The following MFHAS1 variants were observed in gnomAD, a reference collection of about 807,000 sequenced individuals.
The protein encoded by MFHAS1 is multifunctional ROCO family signaling regulator 1.
A neutral mutation model predicts 70.4 loss-of-function variants in MFHAS1; 50 were observed. The ratio of observed to expected loss-of-function variants is 0.71; its 90% confidence interval spans 0.57 to 0.90. MFHAS1 has a LOEUF of 0.90. Ranked by LOEUF, MFHAS1 falls within the 40% of genes least tolerant of loss-of-function variation. The pLI is 0.00. For missense variants in MFHAS1, 1,795 were observed against 1,347.6 expected (o/e 1.33, Z -5.20); for synonymous variants, 952 against 620.0 (o/e 1.54, Z -7.96).
At chr8:8,787,179 C>T in intron 2 of MFHAS1, among the ~76,000 whole-genome samples, 1 of 151,546 alleles carries the variant, frequency 6.6e-6, no homozygotes, top group Middle Eastern at 3.2e-3. Context: ...CTCCTGGGTT[C>T]ATGCCATTCT....
At chr8:8,859,047 G>A (rs556843249) in intron 1 of MFHAS1, among the ~76,000 whole-genome samples, 7 of 152,288 alleles carry the variant, frequency 4.6e-5, no homozygotes, top group Non-Finnish European at 8.8e-5. Context: ...TTTGAAAAAT[G>A]CTTGGTTAAA....
chr8:8,891,164 G>A lies in MFHAS1; in HGVS notation c.1895C>T (p.Pro632Leu), dbSNP rs1472948899. The change falls in exon 1 of 3, where the codon CCG becomes CTG. Residue 632 changes from proline (P) to leucine (L), a missense_variant. Physicochemically the swap from Pro to Leu is moderately conservative, Grantham distance 98 (BLOSUM62 -3). Coordinates refer to ENST00000276282, the MANE Select transcript of MFHAS1 (RefSeq NM_004225.3). This position sits in a 1 kb window ranked among gnomAD's most constrained non-coding sequence, Gnocchi z 5.4. ...GTCCCGAAGGCGTCGTAAGTGGCGC[G>A]GGTCCCTGCAGCTAACAGGCAACAC... ...SPVLPVSCRD[P>L]RHLRRLRDKL... 8 of 1,613,488 alleles carry A rather than the reference G, an allele frequency of 5.0e-6. No homozygotes were observed. In the East Asian group the frequency reaches 6.7e-5, roughly 13 times the overall value.
intron 1 of MFHAS1, among the ~76,000 whole-genome samples, chr8:8,802,628 A>T (rs867317711): frequency 4.6e-5 from 7 of 152,164 alleles, no homozygotes; most frequent in South Asian, 2.1e-4. Flanking sequence ...AATGAAGGGT[A>T]GGGTATGGAG....
At chr8:8,829,550 A>G (rs1315679225) in intron 1 of MFHAS1, among the ~76,000 whole-genome samples, 1 of 152,160 alleles carries the variant, frequency 6.6e-6, no homozygotes, top group Non-Finnish European at 1.5e-5. Context: ...GCAAGGTGGC[A>G]GGCACCTGTA....
intron 1 of MFHAS1, among the ~76,000 whole-genome samples, chr8:8,872,783 T>TA (rs66482383): frequency 0.13 from 19,887 of 149,536 alleles, 1,782 homozygotes; most frequent in South Asian, 0.25. Flanking sequence ...AAAATAAAAA[T>TA]AAAAAAAAAG....
chr8:8,886,538 A>G (rs1036510347), intron 1 of MFHAS1, among the ~76,000 whole-genome samples: 4 of 152,206 alleles, frequency 2.6e-5, no homozygotes, highest in Non-Finnish European at 5.9e-5. Context: ...GGTCAACTAC[A>G]GTAGGGCAGC....
At chr8:8,806,586 A>C (rs1411897280) in intron 1 of MFHAS1, among the ~76,000 whole-genome samples, 1 of 152,204 alleles carries the variant, frequency 6.6e-6, no homozygotes, top group African/African-American at 2.4e-5. Flanking sequence ...ATTAACCCTG[A>C]CACTATACAA....
At chr8:8,884,230 C>T (rs952879913) in intron 1 of MFHAS1, among the ~76,000 whole-genome samples, 1 of 152,156 alleles carries the variant, frequency 6.6e-6, no homozygotes, top group African/African-American at 2.4e-5. Context: ...TTCTAGCCTT[C>T]TAGAACTCTA....
At chr8:8,849,188 C>T (rs1484129736) in intron 1 of MFHAS1, among the ~76,000 whole-genome samples, 4 of 143,082 alleles carry the variant, frequency 2.8e-5, no homozygotes, top group African/African-American at 7.7e-5. Context: ...TCAAGCGATT[C>T]TCCTGCCTTA....
chr8:8,876,838 G>C (rs551341133), intron 1 of MFHAS1, among the ~76,000 whole-genome samples: 5 of 151,926 alleles, frequency 3.3e-5, no homozygotes, highest in Non-Finnish European at 7.4e-5. Context: ...GGAGGCTAAG[G>C]TAAGAGAATC....
At chr8:8,889,244 T>C (rs892603946) in intron 1 of MFHAS1, among the ~76,000 whole-genome samples, 7 of 152,166 alleles carry the variant, frequency 4.6e-5, no homozygotes, top group African/African-American at 1.7e-4. Flanking sequence ...AAGACGTCTA[T>C]AAAACTCGAA....
chr8:8,892,178 G>A lies in MFHAS1; in HGVS notation c.881C>T (p.Pro294Leu), dbSNP rs754668787. 1.9e-6 allele frequency: 3 copies of A among 1,610,464 alleles called. No individual in the cohort carries two copies. The highest frequency in any genetic ancestry group is 2.5e-6 in the Non-Finnish European group (3 of 1,180,000). The change falls in exon 1 of 3, where the codon CCC becomes CTC. Residue 294 changes from proline to leucine, a missense_variant. Transcript: ENST00000276282. The surrounding 1 kb of genome is among the most constrained non-coding windows in gnomAD (Gnocchi z 4.7). ...GTAGAGCTCCTCCAGACCAGCCAGG[G>A]GCAGCAGCGCGGCAGGGAACTCCTC... ...LFEEFPAALLPLAGLEELYLS... is the reference protein window; with the variant it reads ...LFEEFPAALLLLAGLEELYLS...
intron 1 of MFHAS1, among the ~76,000 whole-genome samples, chr8:8,874,656 G>A (rs1377549896): frequency 6.6e-6 from 1 of 151,812 alleles, no homozygotes; most frequent in South Asian, 2.1e-4. Flanking sequence ...AAGTTATAAG[G>A]GTGAAGAATC....
intron 1 of MFHAS1, among the ~76,000 whole-genome samples, chr8:8,804,663 T>A (rs1806226428): frequency 6.6e-6 from 1 of 152,164 alleles, no homozygotes; most frequent in Non-Finnish European, 1.5e-5. Context: ...CTTCCAAGCA[T>A]CCTCCAAAGT....
chr8:8,797,523 A>G (rs1805949646), intron 1 of MFHAS1, 32 bp from the exon 2 acceptor site: 1 of 1,597,524 alleles, frequency 6.3e-7, no homozygotes, highest in East Asian at 2.3e-5. Context: ...CGTGTTAGGG[A>G]GATGTGCACT....
At chr8:8,849,598 T>C (rs1358064990) in intron 1 of MFHAS1, among the ~76,000 whole-genome samples, 1 of 152,188 alleles carries the variant, frequency 6.6e-6, no homozygotes, top group East Asian at 1.9e-4. Flanking sequence ...AGTCCAACTG[T>C]GGCCCCAAAG....
chr8:8,792,038 G>C (rs989805068), intron 2 of MFHAS1, among the ~76,000 whole-genome samples: 1 of 151,672 alleles, frequency 6.6e-6, no homozygotes, highest in African/African-American at 2.4e-5. Flanking sequence ...AGGAGATCGA[G>C]ACCATCCTGG....
intron 1 of MFHAS1, among the ~76,000 whole-genome samples, chr8:8,803,112 C>T (rs554820911): frequency 6.6e-6 from 1 of 152,268 alleles, no homozygotes; most frequent in Admixed American, 6.5e-5. Flanking sequence ...TGCATTCTTC[C>T]TGTGAACAAG....
intron 1 of MFHAS1, among the ~76,000 whole-genome samples, chr8:8,829,438 T>A (rs1807286360): frequency 1.3e-5 from 2 of 152,220 alleles, no homozygotes. Context: ...CAGAGCACGT[T>A]GGGAGGCCTA....
Sources: gnomAD v4.1 joint callset for allele counts (sites outside exome capture counted in the v4.1 genomes callset) on GRCh38, gnomAD v4.1.1 for gene constraint, Gnocchi (gnomAD v3.1) non-coding constraint, MANE v1.5 for transcripts, NCBI Gene and HGNC (gene_info 2026-07-23, HGNC 2026-07-21) for gene names.